Variants in TRA2B observed in about 807,000 individuals in gnomAD.
TRA2B encodes transformer-2 protein homolog beta.
In TRA2B, 14 loss-of-function variants were observed where a neutral mutation model predicts 41.7. The observed-to-expected ratio is 0.34, with a 90% CI of 0.22 to 0.53. The LOEUF is 0.53. TRA2B is among the 20% of genes least tolerant of loss of function. The pLI, the probability that TRA2B is intolerant of heterozygous loss-of-function variation, is 0.95. For missense variants in TRA2B, 167 were observed against 396.8 expected (o/e 0.42, Z 4.92); for synonymous variants, 130 against 128.8 (o/e 1.01, Z -0.06).
At position 185,938,007 on chromosome 3, in the gene TRA2B, CG is replaced by C. The variant is rs1243234392; in HGVS notation, c.-148del. The C allele has an allele frequency of 1.1e-4, 91 of 845,552 alleles. No homozygotes were observed. The highest frequency in any genetic ancestry group is 1.5e-4 in the Non-Finnish European group (79 of 539,338). 52.4% of individuals were successfully genotyped at this position (845,552 alleles called of 1,614,324 possible). A position where few individuals can be genotyped will look rare whatever the true frequency, so the allele number is the denominator to read the frequency against. ...CGAAATGCTCCGCACCGCCTCCGCA[CG>C]GGCTCTAACTCTACCGGATGTGACG... On this transcript the variant is annotated 5_prime_UTR_variant, in exon 1 of 9. Coordinates refer to ENST00000453386, the MANE Select transcript of TRA2B (RefSeq NM_004593.3).
chr3:185,933,656 T>A (rs1013914963), intron 1 of TRA2B, among the ~76,000 whole-genome samples: 3 of 152,020 alleles, frequency 2.0e-5, no homozygotes, highest in African/African-American at 7.3e-5. Context: ...GGACTATATT[T>A]TTTTCTGGCA....
At chr3:185,926,000 A>G (rs1381155509) in intron 2 of TRA2B, among the ~76,000 whole-genome samples, 1 of 151,514 alleles carries the variant, frequency 6.6e-6, no homozygotes, top group Admixed American at 6.6e-5. Context: ...CAAAATCACA[A>G]GGAGTATTCC....
chr3:185,927,289 A>G (rs2150115907), intron 1 of TRA2B: 1 of 152,402 alleles, frequency 6.6e-6, no homozygotes, highest in South Asian at 2.1e-4. Context: ...AGTGGAAAGC[A>G]AAGGCTAGCT....
intron 5 of TRA2B, among the ~76,000 whole-genome samples, 163 bp downstream of exon 5, chr3:185,921,848 G>A (rs914106584): frequency 6.6e-6 from 1 of 152,118 alleles, no homozygotes; most frequent in Non-Finnish European, 1.5e-5. Flanking sequence ...ACCTGTAATG[G>A]TTGAACTTCT....
At chr3:185,932,160 T>C (rs1377811618) in intron 1 of TRA2B, among the ~76,000 whole-genome samples, 4 of 152,082 alleles carry the variant, frequency 2.6e-5, no homozygotes, top group Admixed American at 6.6e-5. Flanking sequence ...ACACTTCTTA[T>C]TATATTCAAT....
chr3:185,928,750 C>T (rs1020178716), intron 1 of TRA2B: 34 of 152,288 alleles, frequency 2.2e-4, no homozygotes, highest in Middle Eastern at 3.4e-3. Flanking sequence ...GGGTGTTTCA[C>T]AGTAACAGTT....
At position 185,916,761 on chromosome 3, in the gene TRA2B, G is replaced by A. The variant is rs561702673; in HGVS notation, c.*954C>T. 1.3e-5 allele frequency: 2 copies of A among 152,658 alleles called. No individual in the cohort carries two copies. Among genetic ancestry groups the A allele is most frequent in the African/African-American group, 4.8e-5 (2 of 41,544 alleles). The allele number at this position is 152,658 out of a possible 1,614,324, so 9.5% of individuals were successfully genotyped here. On this transcript the variant is annotated 3_prime_UTR_variant, in exon 9 of 9. Transcript: ENST00000453386. ...CACCAACATTTTTCTTTTCATTTGC[G>A]TTTATTTAAACACAGTTCTCAAAAC...
chr3:185,921,982 AATTAT>A (rs1211261296), intron 5 of TRA2B, 24 bp downstream of exon 5: 1 of 1,548,834 alleles, frequency 6.5e-7, no homozygotes, highest in Non-Finnish European at 8.9e-7. Flanking sequence ...AAAAACTGCC[AATTAT>A]ATTTATTTTG....
intron 1 of TRA2B, among the ~76,000 whole-genome samples, 165 bp downstream of exon 1, chr3:185,937,660 C>T (rs1425931439): frequency 3.3e-5 from 5 of 152,218 alleles, no homozygotes; most frequent in Non-Finnish European, 7.3e-5. Context: ...AAGGCACTAT[C>T]CACAAAGGCT....
chr3:185,937,287 A>C (rs1560017540), intron 1 of TRA2B: 8 of 986,888 alleles, frequency 8.1e-6, no homozygotes, highest in Non-Finnish European at 7.2e-6. Context: ...CCGTGGAGGC[A>C]AAGACGGTCC....
chr3:185,936,676 GTTT>G lies in TRA2B; in HGVS notation c.36+1146_36+1148del, dbSNP rs35441764. ...CAAGGGGAAACTTAGGTAACAAATT[GTTT>G]TTTTTTTTTAAAAAAGCACAAATTA... On this transcript the variant is annotated intron_variant, in intron 1 of 8. Coordinates refer to ENST00000453386, the MANE Select transcript of TRA2B (RefSeq NM_004593.3). 5.3e-5 allele frequency: 44 copies of G among 825,844 alleles called. No homozygotes were observed. The East Asian group carries it at 1.2e-3, about 23-fold the overall frequency. 51.2% of individuals were successfully genotyped at this position (825,844 alleles called of 1,614,324 possible). A position where few individuals can be genotyped will look rare whatever the true frequency, so the allele number is the denominator to read the frequency against.
chr3:185,919,873 A>G (rs1292154194), intron 6 of TRA2B, among the ~76,000 whole-genome samples: 1 of 152,134 alleles, frequency 6.6e-6, no homozygotes, highest in Non-Finnish European at 1.5e-5. Flanking sequence ...AATGACTGAC[A>G]ACTGTTAACT....
intron 3 of TRA2B, 108 bp from the exon 4 acceptor site, chr3:185,924,092 T>A: frequency 1.1e-6 from 1 of 952,200 alleles, no homozygotes. Context: ...GAAAAGTACA[T>A]AATGATTAGA....
At chr3:185,931,319 G>GT (rs1351592292) in intron 1 of TRA2B, among the ~76,000 whole-genome samples, 3 of 152,196 alleles carry the variant, frequency 2.0e-5, no homozygotes, top group African/African-American at 7.2e-5. Flanking sequence ...GACAGGTAAA[G>GT]TTTATCTAGA....
chr3:185,927,335 C>T (rs1328417004), intron 1 of TRA2B: 1 of 152,188 alleles, frequency 6.6e-6, no homozygotes, highest in African/African-American at 2.4e-5. Flanking sequence ...CCTATTGCAT[C>T]TAACCATGGT....
At chr3:185,936,642 C>T in intron 1 of TRA2B, 1 of 984,588 alleles carries the variant, frequency 1.0e-6, no homozygotes, top group Non-Finnish European at 1.2e-6. Flanking sequence ...CTTAAGGTAG[C>T]TTTACCAACA....
At chr3:185,920,232 C>A (rs547621635) in intron 6 of TRA2B, among the ~76,000 whole-genome samples, 2,336 of 152,278 alleles carry the variant, frequency 0.015, 65 homozygotes, top group African/African-American at 0.05. Flanking sequence ...CCTCAGTGTA[C>A]GATGCATGCA....
Position 185,936,446 on chromosome 3 carries a change from T to C in TRA2B, c.36+1379A>G, listed in dbSNP as rs376132401. The C allele has an allele frequency of 7.1e-6, 7 of 985,436 alleles. No homozygotes were observed. The East Asian group carries it at 5.7e-4, about 80-fold the overall frequency. 61.0% of individuals were successfully genotyped at this position (985,436 alleles called of 1,614,324 possible). A position where few individuals can be genotyped will look rare whatever the true frequency, so the allele number is the denominator to read the frequency against. On this transcript the variant is annotated intron_variant, in intron 1 of 8. Transcript: ENST00000453386. ...TAAAAACTCTATGCTCATCCGAGTATGTAAACGCAAGGCTTGATTAGTTCA... is the reference window on the plus strand; with the variant it reads ...TAAAAACTCTATGCTCATCCGAGTACGTAAACGCAAGGCTTGATTAGTTCA...
chr3:185,929,599 T>C (rs1300874910), intron 1 of TRA2B, among the ~76,000 whole-genome samples: 3 of 152,090 alleles, frequency 2.0e-5, no homozygotes, highest in African/African-American at 7.2e-5. Context: ...AGGGAATACA[T>C]CAAGTAAAAA....
Sources: gnomAD v4.1 joint callset for allele counts (sites outside exome capture counted in the v4.1 genomes callset) on GRCh38, gnomAD v4.1.1 for gene constraint, MANE v1.5 for transcripts, NCBI Gene and HGNC (gene_info 2026-07-23, HGNC 2026-07-21) for gene names.